Variants in MCTP1 observed in about 807,000 individuals in gnomAD.
MCTP1 encodes the protein multiple C2 and transmembrane domain containing 1.
Under a neutral mutation model 120.6 loss-of-function variants are expected in MCTP1, and 69 were observed. The observed-to-expected ratio is 0.57, with a 90% CI of 0.47 to 0.70. MCTP1 has a LOEUF of 0.70. Among genes scored for constraint, MCTP1 ranks in the 30% least tolerant of loss-of-function variants. The probability of loss-of-function intolerance (pLI) is 0.00; values close to 1 mark genes in which losing one functional copy is unlikely to be tolerated. For missense variants in MCTP1, 1,203 were observed against 1,248.8 expected, an observed-to-expected ratio of 0.96 and a Z score of 0.55; for synonymous variants, 529 against 493.1, an observed-to-expected ratio of 1.07 and a Z score of -0.96.
intron 1 of MCTP1, among the ~76,000 whole-genome samples, chr5:95,259,790 A>G (rs154061): frequency 0.87 from 133,011 of 152,168 alleles, 58,438 homozygotes; most frequent in African/African-American, 0.97. Context: ...CTCCCCTGCC[A>G]CCGGTACAAT....
At chr5:94,769,820 C>T (rs1039336044) in intron 19 of MCTP1, among the ~76,000 whole-genome samples, 1 of 152,176 alleles carries the variant, frequency 6.6e-6, no homozygotes, top group Admixed American at 6.5e-5. Flanking sequence ...AGAAAGATAA[C>T]TCAGATGCCA....
chr5:94,976,556 T>C (rs1370762316), intron 2 of MCTP1, among the ~76,000 whole-genome samples: 1 of 152,174 alleles, frequency 6.6e-6, no homozygotes, highest in Non-Finnish European at 1.5e-5. Context: ...TTGATTTCAA[T>C]TTCTTCAGAG....
At chr5:95,242,829 T>A (rs1451183462) in intron 1 of MCTP1, among the ~76,000 whole-genome samples, 1 of 152,192 alleles carries the variant, frequency 6.6e-6, no homozygotes, top group East Asian at 1.9e-4. Context: ...GGTGATGATT[T>A]TACATGGATG....
At chr5:95,114,217 T>C (rs1444299762) in intron 1 of MCTP1, among the ~76,000 whole-genome samples, 1 of 152,220 alleles carries the variant, frequency 6.6e-6, no homozygotes, top group African/African-American at 2.4e-5. Context: ...TTCTCAGCTA[T>C]GGTGTTATGA....
At chr5:94,847,235 T>G (rs1792600470) in intron 17 of MCTP1, among the ~76,000 whole-genome samples, 1 of 152,158 alleles carries the variant, frequency 6.6e-6, no homozygotes, top group Non-Finnish European at 1.5e-5. Context: ...TCTAAGAACT[T>G]ATTCAGAGTT....
chr5:95,073,012 G>A (rs147971753), intron 1 of MCTP1, among the ~76,000 whole-genome samples: 11 of 151,796 alleles, frequency 7.2e-5, no homozygotes, highest in Non-Finnish European at 1.5e-5. Flanking sequence ...CCCAAAGTGC[G>A]CTTAGCAACT....
intron 1 of MCTP1, among the ~76,000 whole-genome samples, chr5:95,020,116 C>T (rs1837913268): frequency 6.6e-6 from 1 of 151,958 alleles, no homozygotes; most frequent in Non-Finnish European, 1.5e-5. Context: ...TTTCTACATG[C>T]CCTGCATCTT....
chr5:94,978,805 G>A (rs1388480494), intron 2 of MCTP1, among the ~76,000 whole-genome samples: 2 of 152,014 alleles, frequency 1.3e-5, no homozygotes, highest in Non-Finnish European at 2.9e-5. Flanking sequence ...TATTAATATT[G>A]TACTATATGC....
At chr5:95,126,845 T>C (rs1758669685) in intron 1 of MCTP1, among the ~76,000 whole-genome samples, 1 of 152,340 alleles carries the variant, frequency 6.6e-6, no homozygotes, top group Non-Finnish European at 1.5e-5. Flanking sequence ...ATTTAATTTT[T>C]GAAAATACCT....
intron 1 of MCTP1, among the ~76,000 whole-genome samples, chr5:95,170,621 T>C (rs995867311): frequency 2.6e-5 from 4 of 152,220 alleles, no homozygotes; most frequent in African/African-American, 4.8e-5. Context: ...ATATTTAGGA[T>C]AGTTAGCTCT....
At chr5:94,748,938 A>G (rs1767568016) in intron 19 of MCTP1, among the ~76,000 whole-genome samples, 1 of 152,224 alleles carries the variant, frequency 6.6e-6, no homozygotes, top group Non-Finnish European at 1.5e-5. Flanking sequence ...TGCAATTAGA[A>G]GCCTGGGAGA....
chr5:95,019,469 A>G (rs947838176), intron 1 of MCTP1, among the ~76,000 whole-genome samples: 14 of 151,880 alleles, frequency 9.2e-5, no homozygotes, highest in African/African-American at 3.4e-4. Context: ...CTGAGACACA[A>G]TATTTTTTCC....
At chr5:94,946,766 T>C (rs1819043118) in intron 3 of MCTP1, among the ~76,000 whole-genome samples, 1 of 152,210 alleles carries the variant, frequency 6.6e-6, no homozygotes, top group Non-Finnish European at 1.5e-5. Flanking sequence ...TGCTGGCCTA[T>C]GTGTTAGTTT....
intron 1 of MCTP1, among the ~76,000 whole-genome samples, chr5:95,164,681 A>G (rs1746118340): frequency 6.6e-6 from 1 of 152,226 alleles, no homozygotes; most frequent in Non-Finnish European, 1.5e-5. Flanking sequence ...CTATATGTTA[A>G]AAATTATTTG....
At chr5:95,271,656 G>A (rs1347799872) in intron 1 of MCTP1, among the ~76,000 whole-genome samples, 1 of 152,008 alleles carries the variant, frequency 6.6e-6, no homozygotes, top group African/African-American at 2.4e-5. Flanking sequence ...CATGGTGGCT[G>A]TAAGTATGAT....
intron 7 of MCTP1, among the ~76,000 whole-genome samples, chr5:94,920,453 A>T (rs1007515478): frequency 6.6e-6 from 1 of 152,094 alleles, no homozygotes; most frequent in Admixed American, 6.6e-5. Context: ...TTAAAAAGCC[A>T]ACAACTCGGC....
chr5:94,935,721 ACTC>A (rs371186392), intron 5 of MCTP1, among the ~76,000 whole-genome samples: 2 of 152,070 alleles, frequency 1.3e-5, no homozygotes, highest in African/African-American at 2.4e-5. Flanking sequence ...AGAGAACAGA[ACTC>A]CTGTAATTTT....
intron 1 of MCTP1, among the ~76,000 whole-genome samples, chr5:95,067,685 A>G (rs1032803439): frequency 6.6e-6 from 1 of 152,152 alleles, no homozygotes; most frequent in African/African-American, 2.4e-5. Flanking sequence ...TTGATGAATA[A>G]TAATTGTATG....
chr5:94,873,337 T>A, intron 12 of MCTP1, 96 bp from the exon 13 acceptor site: 1 of 635,790 alleles, frequency 1.6e-6, no homozygotes, highest in Non-Finnish European at 2.7e-6. Flanking sequence ...AAAAGTTTTA[T>A]AGTAAACAAA....
Sources: allele counts gnomAD v4.1 joint callset (sites outside exome capture counted in the v4.1 genomes callset), GRCh38; gene constraint gnomAD v4.1.1; transcripts MANE v1.5; gene names NCBI Gene and HGNC (gene_info 2026-07-23, HGNC 2026-07-21).